Variants in DIP2C observed in about 807,000 individuals in gnomAD.
DIP2C encodes disco-interacting protein 2 homolog C.
In DIP2C, 33 loss-of-function variants were observed where a neutral mutation model predicts 192.4. That is an observed-to-expected ratio of 0.17 (90% confidence interval 0.13 to 0.23). DIP2C has a LOEUF of 0.23. DIP2C is among the 10% of genes least tolerant of loss of function. The pLI is 1.00. For missense variants in DIP2C, 1,537 were observed against 2,110.1 expected, an observed-to-expected ratio of 0.73 and a Z score of 5.32; for synonymous variants, 979 against 864.1, an observed-to-expected ratio of 1.13 and a Z score of -2.33.
At chr10:409,350 G>A (rs766082575) in intron 8 of DIP2C, among the ~76,000 whole-genome samples, 1 of 152,204 alleles carries the variant, frequency 6.6e-6, no homozygotes, top group South Asian at 2.1e-4. Context: ...CGTCGTCACA[G>A]GGCTGGGATC....
intron 1 of DIP2C, among the ~76,000 whole-genome samples, chr10:605,024 G>A (rs1466295480): frequency 3.3e-5 from 5 of 152,220 alleles, no homozygotes; most frequent in East Asian, 1.9e-4. Context: ...AGCTTCAGAA[G>A]ACTATAAAGC....
At chr10:420,456 G>A (rs12570924) in intron 5 of DIP2C, among the ~76,000 whole-genome samples, 5,453 of 152,264 alleles carry the variant, frequency 0.036, 150 homozygotes, top group African/African-American at 0.079. Context: ...TCAGTGCCAC[G>A]ACATTCCACC....
At chr10:557,762 G>GGGGGAGGATGGGC (rs1205682822) in intron 1 of DIP2C, among the ~76,000 whole-genome samples, 8 of 62,476 alleles carry the variant, frequency 1.3e-4, no homozygotes, top group Admixed American at 4.0e-4. Context: ...GGAAGGGGGA[G>GGGGGAGGATGGGC]GGGGAGGATG....
intron 24 of DIP2C, among the ~76,000 whole-genome samples, chr10:353,267 T>A (rs1465950619): frequency 6.6e-6 from 1 of 151,846 alleles, no homozygotes; most frequent in Admixed American, 6.6e-5. Context: ...TCACATTAAA[T>A]CAAACAACTT....
chr10:432,268 C>T (rs1342690214), intron 4 of DIP2C, among the ~76,000 whole-genome samples: 1 of 152,118 alleles, frequency 6.6e-6, no homozygotes, highest in Non-Finnish European at 1.5e-5. Flanking sequence ...AGAGAATTGG[C>T]ATAATTTCTT....
intron 32 of DIP2C, among the ~76,000 whole-genome samples, chr10:300,976 T>C (rs1264244624): frequency 1.3e-5 from 2 of 152,148 alleles, no homozygotes; most frequent in Non-Finnish European, 2.9e-5. Context: ...AAAATAAGCT[T>C]TTCTGTTTAT....
intron 29 of DIP2C, among the ~76,000 whole-genome samples, chr10:330,494 T>A (rs900548075): frequency 2.0e-5 from 3 of 152,060 alleles, no homozygotes; most frequent in African/African-American, 7.3e-5. Flanking sequence ...TAAATCACGT[T>A]CTAAGATTTA....
intron 1 of DIP2C, chr10:629,771 T>C (rs1444588185): frequency 2.0e-5 from 3 of 152,348 alleles, no homozygotes; most frequent in Non-Finnish European, 1.5e-5. Context: ...TCGCCATACA[T>C]GATGCTGAGG....
intron 1 of DIP2C, among the ~76,000 whole-genome samples, chr10:580,106 C>CT (rs1850512928): frequency 6.6e-6 from 1 of 152,114 alleles, no homozygotes; most frequent in Non-Finnish European, 1.5e-5. Context: ...TTTGTATGTA[C>CT]ATAGGTATAA....
chr10:414,739 G>GTGTGTATGTATA lies in DIP2C; in HGVS notation c.860-630_860-629insTATACATACACA. Among the ~76,000 whole-genome samples, 30 of 90,536 alleles carry GTGTGTATGTATA rather than the reference G, an allele frequency of 3.3e-4. 1 individual carries two copies. Among genetic ancestry groups the GTGTGTATGTATA allele is most frequent in the Middle Eastern group, 0.013 (2 of 158 alleles). 59.4% of individuals were successfully genotyped at this position (90,536 alleles called of 152,430 possible). ...TGTGTGTGTGTGTGTGTGTGTGTGT[G>GTGTGTATGTATA]TACATATATATATATATAATGTGTA... On this transcript the variant is annotated intron_variant, in intron 7 of 36. Transcript: ENST00000280886.
At chr10:673,296 T>C (rs1471749319) in intron 1 of DIP2C, among the ~76,000 whole-genome samples, 2 of 152,242 alleles carry the variant, frequency 1.3e-5, no homozygotes, top group African/African-American at 4.8e-5. Flanking sequence ...GATGAATTCC[T>C]AACCATTTGA....
chr10:424,256 T>C (rs1163899869), intron 4 of DIP2C, among the ~76,000 whole-genome samples: 1 of 150,450 alleles, frequency 6.6e-6, no homozygotes, highest in Non-Finnish European at 1.5e-5. Context: ...ACACTTATTA[T>C]CACTGTCACA....
chr10:647,754 A>T (rs527804265), intron 1 of DIP2C, among the ~76,000 whole-genome samples: 1 of 151,060 alleles, frequency 6.6e-6, no homozygotes, highest in African/African-American at 2.4e-5. Flanking sequence ...CCACGTCCAC[A>T]TTGGATGGTG....
rs1201096970 is a variant in DIP2C at position 441,707 on chromosome 10, G to T, written c.269-711C>A. ...GAGGCCTCCCCAGCCATGCGGAACT[G>T]CAAGGCCAATTAAACCTTTTTATTC... On this transcript the variant is annotated intron_variant, in intron 3 of 36. Transcript: ENST00000280886. Among the ~76,000 whole-genome samples, 3 of 152,166 alleles carry T rather than the reference G, an allele frequency of 2.0e-5. No homozygotes were observed. The East Asian group carries it at 5.8e-4, about 29-fold the overall frequency.
intron 4 of DIP2C, among the ~76,000 whole-genome samples, chr10:429,829 A>C (rs975524074): frequency 5.9e-5 from 9 of 152,128 alleles, no homozygotes; most frequent in African/African-American, 2.2e-4. Flanking sequence ...ATTATGAATA[A>C]GGCTGCTCTA....
intron 14 of DIP2C, among the ~76,000 whole-genome samples, chr10:385,602 C>T (rs1285078401): frequency 6.6e-6 from 1 of 152,198 alleles, no homozygotes; most frequent in Non-Finnish European, 1.5e-5. Flanking sequence ...CTTGCTGCGG[C>T]AGATTACTAC....
intron 10 of DIP2C, among the ~76,000 whole-genome samples, chr10:392,113 T>G (rs1174923545): frequency 6.6e-6 from 1 of 152,208 alleles, no homozygotes; most frequent in Non-Finnish European, 1.5e-5. Context: ...CAGATGCTGC[T>G]TGCTCAAGTA....
chr10:675,678 C>A (rs1392182995), intron 1 of DIP2C, among the ~76,000 whole-genome samples: 1 of 151,998 alleles, frequency 6.6e-6, no homozygotes, highest in Non-Finnish European at 1.5e-5. Flanking sequence ...TAGAGGAAAT[C>A]GATAGATTCC....
At chr10:337,049 G>GGTGTGTGT (rs148004134) in intron 29 of DIP2C, among the ~76,000 whole-genome samples, 4,356 of 37,866 alleles carry the variant, frequency 0.12, 777 homozygotes, top group Non-Finnish European at 0.14. Flanking sequence ...GGCCTAGACT[G>GGTGTGTGT]GTGTGTGTGT....
Sources: allele counts gnomAD v4.1 joint callset (sites outside exome capture counted in the v4.1 genomes callset), GRCh38; gene constraint gnomAD v4.1.1; transcripts MANE v1.5; gene names NCBI Gene and HGNC (gene_info 2026-07-23, HGNC 2026-07-21).